The following DCC variants were observed in gnomAD, a reference collection of about 807,000 sequenced individuals.
The protein encoded by DCC is DCC netrin 1 receptor.
A neutral mutation model predicts 172.5 loss-of-function variants in DCC; 58 were observed. The observed-to-expected ratio is 0.34, with a 90% confidence interval of 0.27 to 0.42. DCC has a LOEUF of 0.42. DCC is among the 10% of genes least tolerant of loss of function. The pLI is 1.00. For missense variants in DCC, 1,740 were observed against 1,791.0 expected, an observed-to-expected ratio of 0.97 and a Z score of 0.51; for synonymous variants, 709 against 644.5, an observed-to-expected ratio of 1.10 and a Z score of -1.52.
chr18:53,426,857 T>C (rs987391905), intron 21 of DCC, among the ~76,000 whole-genome samples: 2 of 152,146 alleles, frequency 1.3e-5, no homozygotes, highest in Admixed American at 1.3e-4. Flanking sequence ...AGTGTCGTTA[T>C]CTACACAGAC....
chr18:52,783,519 T>G (rs1360949249), intron 2 of DCC, among the ~76,000 whole-genome samples: 1 of 151,642 alleles, frequency 6.6e-6, no homozygotes, highest in South Asian at 2.1e-4. Flanking sequence ...GTCCATGATG[T>G]TGATAGTATT....
At chr18:52,821,028 T>C (rs190607687) in intron 2 of DCC, among the ~76,000 whole-genome samples, 20 of 152,314 alleles carry the variant, frequency 1.3e-4, no homozygotes, top group Admixed American at 1.3e-3. Flanking sequence ...CTGAATTTGT[T>C]CTCTCATTTT....
At chr18:52,900,741 G>C (rs2039797381) in intron 2 of DCC, among the ~76,000 whole-genome samples, 2 of 151,724 alleles carry the variant, frequency 1.3e-5, no homozygotes, top group South Asian at 4.1e-4. Flanking sequence ...AAGTTGGCTT[G>C]TGTGGGACAC....
chr18:53,356,660 G>T (rs80246042), intron 15 of DCC, among the ~76,000 whole-genome samples: 386 of 152,186 alleles, frequency 2.5e-3, no homozygotes, highest in Non-Finnish European at 3.6e-3. Flanking sequence ...GAATGGTTTT[G>T]TCCTCAGCCT....
chr18:52,776,436 G>A (rs926204501), intron 2 of DCC, among the ~76,000 whole-genome samples: 2 of 152,082 alleles, frequency 1.3e-5, no homozygotes, highest in Non-Finnish European at 2.9e-5. Flanking sequence ...AAGTCTATAA[G>A]ATCTGTTCTA....
intron 1 of DCC, chr18:52,419,643 G>C (rs1420814958): frequency 1.3e-5 from 2 of 150,886 alleles, no homozygotes; most frequent in Admixed American, 1.3e-4. Flanking sequence ...ATACCCCAGG[G>C]CATTTGTCAT....
intron 12 of DCC, among the ~76,000 whole-genome samples, chr18:53,265,021 A>G (rs533225522): frequency 6.6e-6 from 1 of 152,322 alleles, no homozygotes; most frequent in African/African-American, 2.4e-5. Context: ...AATGCCCAGT[A>G]TGTGCCCAGA....
chr18:53,485,362 T>C (rs985012066), intron 25 of DCC, among the ~76,000 whole-genome samples: 1 of 152,020 alleles, frequency 6.6e-6, no homozygotes, highest in African/African-American at 2.4e-5. Flanking sequence ...AAAAACCCAA[T>C]AAAACCCAAC....
intron 1 of DCC, among the ~76,000 whole-genome samples, chr18:52,358,128 C>T (rs1032470102): frequency 5.3e-5 from 8 of 152,044 alleles, no homozygotes; most frequent in Admixed American, 2.0e-4. Flanking sequence ...AGTAGACAAA[C>T]CCCATTTGAG....
chr18:53,059,430 CAAGT>C (rs1249906163), intron 5 of DCC, among the ~76,000 whole-genome samples: 3 of 152,068 alleles, frequency 2.0e-5, no homozygotes, highest in Admixed American at 6.6e-5. Flanking sequence ...ATAAGTTTAA[CAAGT>C]AAGCAGTAAT....
At chr18:53,108,587 A>G (rs1019616600) in intron 7 of DCC, among the ~76,000 whole-genome samples, 11 of 151,806 alleles carry the variant, frequency 7.2e-5, no homozygotes, top group African/African-American at 2.7e-4. Flanking sequence ...AAACCAAAAA[A>G]CTTGTTTCTA....
intron 14 of DCC, among the ~76,000 whole-genome samples, chr18:53,325,250 C>T (rs913168845): frequency 5.5e-5 from 8 of 146,692 alleles, no homozygotes; most frequent in African/African-American, 1.5e-4. Context: ...TGTAGGTGAT[C>T]AGAGAAAAGC....
intron 1 of DCC, among the ~76,000 whole-genome samples, chr18:52,525,467 ATT>A (rs1179792995): frequency 1.3e-5 from 2 of 152,182 alleles, no homozygotes; most frequent in Non-Finnish European, 2.9e-5. Flanking sequence ...GTAAATAAAG[ATT>A]TATCTAGATA....
chr18:53,085,998 C>CTATTATTATTATTATTATTATTATTA (rs2042876852), intron 7 of DCC, among the ~76,000 whole-genome samples: 1 of 40,854 alleles, frequency 2.4e-5, no homozygotes, highest in African/African-American at 3.8e-4. Context: ...TCTCCTTCTC[C>CTATTATTATTATTATTATTATTATTA]TTCTTCTCCT....
In DCC at chr18:53,270,919, T is replaced by C. The variant is rs2056741043; in HGVS notation, c.1912-34659T>C. ...TGTGCCAGGTACTACTTATTAAAAG[T>C]ACATTCAACTGGCTTAATTCTCACA... On this transcript the variant is annotated intron_variant, in intron 12 of 28. Transcript: ENST00000442544. Among the ~76,000 whole-genome samples, 2 of 152,176 alleles carry C rather than the reference T, an allele frequency of 1.3e-5. 1 individual carries two copies. Among genetic ancestry groups the C allele is most frequent in the Non-Finnish European group, 2.9e-5 (2 of 68,026 alleles).
chr18:52,913,757 T>G (rs1055118625), intron 3 of DCC, among the ~76,000 whole-genome samples: 4 of 152,008 alleles, frequency 2.6e-5, no homozygotes, highest in Admixed American at 2.0e-4. Flanking sequence ...CAGCCCTAGG[T>G]GGGTCATCTT....
Position 52,684,010 on chromosome 18 carries a change from A to G in DCC, c.92-68044A>G, listed in dbSNP as rs969456097. ...AACATATATAATCCTTGTCTGTACC[A>G]TATTATTTTGCTTCTAACAGGAGTT... On this transcript the variant is annotated intron_variant, in intron 1 of 28. Transcript: ENST00000442544. Among the ~76,000 whole-genome samples, 14 of 152,118 alleles carry G rather than the reference A, an allele frequency of 9.2e-5. 1 individual carries two copies. Among genetic ancestry groups the G allele is most frequent in the Admixed American group, 6.6e-4 (10 of 15,264 alleles).
intron 5 of DCC, among the ~76,000 whole-genome samples, chr18:52,978,918 T>G (rs2041164351): frequency 6.6e-6 from 1 of 152,242 alleles, no homozygotes; most frequent in African/African-American, 2.4e-5. Context: ...CTGAGTAGTA[T>G]TCTATGGTGT....
chr18:53,210,339 G>T (rs1244155017), intron 11 of DCC, among the ~76,000 whole-genome samples: 1 of 152,198 alleles, frequency 6.6e-6, no homozygotes, highest in African/African-American at 2.4e-5. Context: ...CTTTATGTAT[G>T]TTGTAACAGG....
Sources: gnomAD v4.1 joint callset for allele counts (sites outside exome capture counted in the v4.1 genomes callset) on GRCh38, gnomAD v4.1.1 for gene constraint, MANE v1.5 for transcripts, NCBI Gene and HGNC (gene_info 2026-07-23, HGNC 2026-07-21) for gene names.